The following ZNF76 variants were observed in gnomAD, a reference collection of about 807,000 sequenced individuals.
The protein encoded by ZNF76 is zinc finger protein 76.
ZNF76 carries 66 observed loss-of-function variants against 66.9 expected under a neutral mutation model. That is an observed-to-expected ratio of 0.99 (90% confidence interval 0.81 to 1.21). ZNF76 has a LOEUF of 1.21. Among genes scored for constraint, ZNF76 ranks in the 50% most tolerant of loss-of-function variants. The pLI, the probability that ZNF76 is intolerant of heterozygous loss-of-function variation, is 0.00. For synonymous variants in ZNF76, 275 were observed against 296.1 expected (o/e 0.93, Z 0.73); for missense variants, 729 against 760.3 (o/e 0.96, Z 0.48).
chr6:35,273,122 C>G (rs967268033), intron 1 of ZNF76, among the ~76,000 whole-genome samples: 9 of 151,334 alleles, frequency 5.9e-5, no homozygotes, highest in African/African-American at 1.9e-4. Context: ...CACCACTGCA[C>G]TCTAGCCTGG....
intron 2 of ZNF76, among the ~76,000 whole-genome samples, chr6:35,281,508 A>G (rs1788767919): frequency 6.6e-6 from 1 of 152,200 alleles, no homozygotes; most frequent in Admixed American, 6.5e-5. Flanking sequence ...GAATGAACAC[A>G]GTGTTAGTTA....
intron 1 of ZNF76, among the ~76,000 whole-genome samples, chr6:35,280,658 G>A (rs1178870625): frequency 6.6e-6 from 1 of 152,098 alleles, no homozygotes; most frequent in Non-Finnish European, 1.5e-5. Flanking sequence ...GTACATGTGG[G>A]ATGTTCCCTG....
intron 1 of ZNF76, among the ~76,000 whole-genome samples, chr6:35,275,480 C>T (rs10947540): frequency 0.68 from 102,903 of 152,026 alleles, 37,992 homozygotes; most frequent in Non-Finnish European, 0.82. Context: ...GCCCATGTCA[C>T]TGTTGTTAGT....
chr6:35,275,959 G>A (rs540880999), intron 1 of ZNF76, among the ~76,000 whole-genome samples: 1 of 152,278 alleles, frequency 6.6e-6, no homozygotes, highest in South Asian at 2.1e-4. Flanking sequence ...GAAGAAGTGC[G>A]CCAGATATTG....
At position 35,291,344 on chromosome 6, in the gene ZNF76, T is replaced by G; in HGVS notation, c.692T>G (p.Leu231Arg). Reference protein sequence around the residue: ...GEKPYKCPEELCSKAFKTSGD... With the variant: ...GEKPYKCPEERCSKAFKTSGD... ...AAACCATACAAGTGCCCAGAGGAGC[T>G]GTGCAGCAAGGCCTTCAAGACCTCA... is the stretch of plus-strand genomic sequence containing the variant. The change falls in exon 8 of 14, where the codon CTG becomes CGG. Residue 231 changes from leucine (L) to arginine (R), a missense_variant. Coordinates refer to ENST00000373953, the MANE Select transcript of ZNF76 (RefSeq NM_003427.5). 1 of 1,614,100 alleles carries G rather than the reference T, an allele frequency of 6.2e-7. No homozygotes were observed. Among genetic ancestry groups the G allele is most frequent in the Admixed American group, 1.7e-5 (1 of 60,022 alleles).
rs1357691368 is a variant in ZNF76 at position 35,272,509 on chromosome 6, G to GTGTGTA, written c.-96-8544_-96-8543insGTATGT. Among the ~76,000 whole-genome samples, 70 of 112,372 alleles carry GTGTGTA rather than the reference G, an allele frequency of 6.2e-4. 1 individual carries two copies. Among genetic ancestry groups the GTGTGTA allele is most frequent in the African/African-American group, 2.1e-3 (68 of 32,658 alleles). 73.7% of individuals were successfully genotyped at this position (112,372 alleles called of 152,430 possible). A position where few individuals can be genotyped will look rare whatever the true frequency, so the allele number is the denominator to read the frequency against. ...TGTGTGTGTGTGTGTGTGTGTGTGT[G>GTGTGTA]TGTATGTATATGCACATATATATAT... On this transcript the variant is annotated intron_variant, in intron 1 of 13. Coordinates refer to ENST00000373953, the MANE Select transcript of ZNF76 (RefSeq NM_003427.5).
At chr6:35,263,237 G>T (rs2150334559) in intron 1 of ZNF76, among the ~76,000 whole-genome samples, 1 of 152,238 alleles carries the variant, frequency 6.6e-6, no homozygotes, top group Admixed American at 6.5e-5. Context: ...TAGAGGGCAG[G>T]GAGAGAGCCC....
chr6:35,265,333 C>T (rs965775938), intron 1 of ZNF76, among the ~76,000 whole-genome samples: 2 of 151,752 alleles, frequency 1.3e-5, no homozygotes, highest in South Asian at 2.1e-4. Flanking sequence ...ATGGCGAAAC[C>T]CCAGCTCTAC....
chr6:35,281,087 A>G lies in ZNF76; in HGVS notation c.-65A>G. On this transcript the variant is annotated 5_prime_UTR_variant, in exon 2 of 14. Coordinates refer to ENST00000373953, the MANE Select transcript of ZNF76 (RefSeq NM_003427.5). The stretch of plus-strand genomic sequence containing the variant: ...GACCCAGAAGGAAATCTCTGACCTC[A>G]GCTGTGGCTCTTGGTGCTGGCCAGA... 1 of 1,471,356 alleles carries G rather than the reference A, an allele frequency of 6.8e-7. No homozygotes were observed. Among genetic ancestry groups the G allele is most frequent in the South Asian group, 1.1e-5 (1 of 88,244 alleles). 91.1% of individuals were successfully genotyped at this position (1,471,356 alleles called of 1,614,324 possible).
intron 1 of ZNF76, among the ~76,000 whole-genome samples, chr6:35,262,040 G>A (rs775312088): frequency 6.6e-6 from 1 of 152,062 alleles, no homozygotes; most frequent in South Asian, 2.1e-4. Context: ...CCTTCATAAG[G>A]AAATGAAGAC....
At position 35,292,767 on chromosome 6, in the gene ZNF76, ATGAGCAGCAGCAACT is replaced by A. The variant is rs1562133557; in HGVS notation, c.1150_1164del (p.Gln384_Glu388del). The A allele has an allele frequency of 1.9e-6, 3 of 1,613,864 alleles. No individual in the cohort carries two copies. The highest frequency in any genetic ancestry group is 1.7e-6 in the Non-Finnish European group (2 of 1,179,950). ...ACGGAGGAGAGCGAGCAGGCCCTCT[ATGAGCAGCAGCAACT>A]TGAGGGTAAGGGGAGTGGGCAGAGG... is the stretch of plus-strand genomic sequence containing the variant. On this transcript the variant is annotated inframe_deletion, in exon 10 of 14. Coordinates refer to ENST00000373953, the MANE Select transcript of ZNF76 (RefSeq NM_003427.5). The surrounding 1 kb of genome is among the most constrained non-coding windows in gnomAD (Gnocchi z 4.7).
At chr6:35,260,161 C>T (rs992534078) in intron 1 of ZNF76, among the ~76,000 whole-genome samples, 10 of 152,174 alleles carry the variant, frequency 6.6e-5, no homozygotes, top group African/African-American at 2.2e-4. Context: ...GCTGCTAACC[C>T]AGGAATTTCC....
chr6:35,289,882 G>A (rs1387762066), intron 5 of ZNF76, among the ~76,000 whole-genome samples: 1 of 152,186 alleles, frequency 6.6e-6, no homozygotes, highest in Non-Finnish European at 1.5e-5. Context: ...GGTCTTGAGA[G>A]TTGCAGGCTC....
In ZNF76 at chr6:35,286,045, A is replaced by C. The variant is rs1030032280; in HGVS notation, c.74-83A>C. 3.0e-6 allele frequency: 4 copies of C among 1,315,418 alleles called. No individual in the cohort carries two copies. The African/African-American group carries it at 5.8e-5, about 19-fold the overall frequency. The allele number at this position is 1,315,418 out of a possible 1,614,324, so 81.5% of individuals were successfully genotyped here. On this transcript the variant is annotated intron_variant, in intron 2 of 13. Coordinates refer to ENST00000373953, the MANE Select transcript of ZNF76 (RefSeq NM_003427.5). Reference sequence around the variant, plus strand: ...TGCAGGCTCGTGCCTAGAGACTCAAATAAGCCTCAGCTAAAAACAGGCAGG... The same window carrying C: ...TGCAGGCTCGTGCCTAGAGACTCAACTAAGCCTCAGCTAAAAACAGGCAGG...
chr6:35,263,056 C>T (rs1178126104), intron 1 of ZNF76, among the ~76,000 whole-genome samples: 1 of 152,204 alleles, frequency 6.6e-6, no homozygotes, highest in African/African-American at 2.4e-5. Context: ...TCTTGTGCAT[C>T]TATCTCCAGG....
In ZNF76 at chr6:35,287,564, T is replaced by C. The variant is rs1367080871; in HGVS notation, c.233-82T>C. 7.6e-7 allele frequency: 1 copy of C among 1,313,148 alleles called. No individual in the cohort carries two copies. The highest frequency in any genetic ancestry group is 1.5e-5 in the African/African-American group (1 of 67,616). 81.3% of individuals were successfully genotyped at this position (1,313,148 alleles called of 1,614,324 possible). A position where few individuals can be genotyped will look rare whatever the true frequency, so the allele number is the denominator to read the frequency against. On this transcript the variant is annotated intron_variant, in intron 4 of 13. Transcript: ENST00000373953. The surrounding 1 kb of genome is among the most constrained non-coding windows in gnomAD (Gnocchi z 4.0). ...GTTGAAACCCTCCTTGGTATATGTA[T>C]CTCTCATTAACTTAAAGCTAGGGTC...
chr6:35,265,165 T>C (rs1785818550), intron 1 of ZNF76, among the ~76,000 whole-genome samples: 1 of 151,872 alleles, frequency 6.6e-6, no homozygotes, highest in Non-Finnish European at 1.5e-5. Flanking sequence ...AATAAACAAA[T>C]AAGTAAAATA....
At chr6:35,263,796 G>A (rs1785590085) in intron 1 of ZNF76, among the ~76,000 whole-genome samples, 1 of 152,098 alleles carries the variant, frequency 6.6e-6, no homozygotes, top group Admixed American at 6.6e-5. Context: ...TGTCACCCAG[G>A]CTGGAGTGCA....
At chr6:35,290,509 A>C in intron 6 of ZNF76, 127 bp downstream of exon 6, 1 of 1,521,806 alleles carries the variant, frequency 6.6e-7, no homozygotes, top group Non-Finnish European at 9.0e-7. Context: ...GAGGGTACAC[A>C]GGAATGCCAG....
Sources: gnomAD v4.1 joint callset for allele counts (sites outside exome capture counted in the v4.1 genomes callset) on GRCh38, gnomAD v4.1.1 for gene constraint, Gnocchi (gnomAD v3.1) non-coding constraint, MANE v1.5 for transcripts, NCBI Gene and HGNC (gene_info 2026-07-23, HGNC 2026-07-21) for gene names.